CFAP44: variants seen among roughly 807,000 people sequenced by gnomAD.
The protein encoded by CFAP44 is cilia- and flagella-associated protein 44.
A neutral mutation model predicts 216.2 loss-of-function variants in CFAP44; 134 were observed. That is an observed-to-expected ratio of 0.62 (90% CI 0.54 to 0.72). The LOEUF (loss-of-function observed/expected upper bound fraction) is 0.72. Ranked by LOEUF, CFAP44 falls within the 30% of genes least tolerant of loss-of-function variation. The probability of loss-of-function intolerance (pLI) is 0.00; values close to 1 mark genes in which losing one functional copy is unlikely to be tolerated. For synonymous variants in CFAP44, 700 were observed against 727.6 expected (o/e 0.96, Z 0.61); for missense variants, 2,035 against 2,182.1 (o/e 0.93, Z 1.34).
intron 32 of CFAP44, among the ~76,000 whole-genome samples, chr3:113,297,573 TC>T (rs1372263740): frequency 6.6e-6 from 1 of 152,214 alleles, no homozygotes. Context: ...CTACATATTA[TC>T]AGATGTGCTG....
Position 113,287,978 on chromosome 3 carries a change from T to A in CFAP44, c.*3579A>T, listed in dbSNP as rs2107780814. On this transcript the variant is annotated 3_prime_UTR_variant, in exon 35 of 35. Transcript: ENST00000393845. Reference sequence around the variant, plus strand: ...CAAAGGATCAACCATAGATTCTTTTTTAATTGAAATTTTAAAATCTTTATA... The same window carrying A: ...CAAAGGATCAACCATAGATTCTTTTATAATTGAAATTTTAAAATCTTTATA... 1 of 152,350 alleles carries A rather than the reference T, an allele frequency of 6.6e-6. No homozygotes were observed. Among genetic ancestry groups the A allele is most frequent in the African/African-American group, 2.4e-5 (1 of 41,590 alleles). 9.4% of individuals were successfully genotyped at this position (152,350 alleles called of 1,614,324 possible). A position where few individuals can be genotyped will look rare whatever the true frequency, so the allele number is the denominator to read the frequency against.
Position 113,344,515 on chromosome 3 carries a change from C to A in CFAP44, c.3262+1G>T. The A allele has an allele frequency of 6.5e-7, 1 of 1,535,728 alleles. No individual in the cohort carries two copies. The highest frequency in any genetic ancestry group is 8.7e-7 in the Non-Finnish European group (1 of 1,146,348). On this transcript the variant is annotated splice_donor_variant, in intron 23 of 34. Coordinates refer to ENST00000393845, the MANE Select transcript of CFAP44 (RefSeq NM_001164496.2). LOFTEE classifies it high-confidence loss of function. ...TTAAAAGCCTTCTTGTCATAGGCTA[C>A]CTGCATCTCTCTGGCTGTCCTTTCT...
intron 24 of CFAP44, among the ~76,000 whole-genome samples, chr3:113,337,104 A>T (rs189524611): frequency 1.3e-5 from 2 of 150,788 alleles, no homozygotes; most frequent in East Asian, 3.9e-4. Context: ...GACAGTTCAG[A>T]AAGGTCACAG....
intron 1 of CFAP44, among the ~76,000 whole-genome samples, chr3:113,435,858 CGTGTGT>C (rs59468932): frequency 1.0e-3 from 155 of 147,846 alleles, no homozygotes; most frequent in African/African-American, 2.8e-3. Flanking sequence ...AGTGTATGTA[CGTGTGT>C]GTGTGTGTGT....
chr3:113,367,178 G>A (rs570942050), intron 18 of CFAP44, among the ~76,000 whole-genome samples: 3 of 152,316 alleles, frequency 2.0e-5, no homozygotes, highest in African/African-American at 2.4e-5. Context: ...AGACTTAAAC[G>A]TTCTTGTCTG....
At chr3:113,358,700 CAT>C in intron 22 of CFAP44, 43 bp downstream of exon 22, 1 of 1,533,280 alleles carries the variant, frequency 6.5e-7, no homozygotes. Flanking sequence ...GTTATTCACA[CAT>C]GTGCTCTCAA....
In CFAP44 at chr3:113,327,782, C is replaced by G; in HGVS notation, c.4154G>C (p.Arg1385Pro). The G allele has an allele frequency of 6.5e-7, 1 of 1,536,804 alleles. No individual in the cohort carries two copies. Among genetic ancestry groups the G allele is most frequent in the Non-Finnish European group, 8.7e-7 (1 of 1,146,682 alleles). Residue 1385 changes from arginine (R) to proline (P), a missense_variant, in exon 27 of 35, where the codon CGT becomes CCT. Transcript: ENST00000393845. Reference sequence around the variant, plus strand: ...TTTTAGTTTCTGATGTCTAAGGAGACGGAGTTCTGCATCGAAAGTGACAAC... The same window carrying G: ...TTTTAGTTTCTGATGTCTAAGGAGAGGGAGTTCTGCATCGAAAGTGACAAC... ...ELVVTFDAELRLLRHQKLKLD... is the reference protein window; with the variant it reads ...ELVVTFDAELPLLRHQKLKLD...
At chr3:113,386,766 G>C (rs1297530178) in intron 15 of CFAP44, among the ~76,000 whole-genome samples, 2 of 152,142 alleles carry the variant, frequency 1.3e-5, no homozygotes, top group African/African-American at 4.8e-5. Context: ...GACAATACTT[G>C]GTTTTAACTT....
chr3:113,402,151 C>T (rs1260241290), intron 9 of CFAP44, among the ~76,000 whole-genome samples: 1 of 152,302 alleles, frequency 6.6e-6, no homozygotes, highest in Admixed American at 6.5e-5. Flanking sequence ...GGGAAATATA[C>T]CTTCTTGCTT....
chr3:113,352,724 A>G (rs1363724476), intron 22 of CFAP44, among the ~76,000 whole-genome samples: 2 of 152,220 alleles, frequency 1.3e-5, no homozygotes, highest in Non-Finnish European at 2.9e-5. Flanking sequence ...TAAACAGAGA[A>G]TTCTCAGAAG....
Position 113,344,696 on chromosome 3 carries a change from C to T in CFAP44, c.3082G>A (p.Glu1028Lys), listed in dbSNP as rs765691560. The part of the protein sequence containing the change: ...KLKNRFRDPL[E>K]SDTIVVHAIL... ...GCATGAACCACAATAGTATCACTTT[C>T]CAGTGGATCTCGAAATCTGAAAAAA... is the stretch of plus-strand genomic sequence containing the variant. Residue 1028 changes from glutamate to lysine, a missense_variant, in exon 23 of 35, where the codon GAA becomes AAA. Physicochemically the swap from Glu to Lys is moderately conservative, Grantham distance 56. Transcript: ENST00000393845. 30 of 1,496,430 alleles carry T rather than the reference C, an allele frequency of 2.0e-5. No homozygotes were observed. The highest frequency in any genetic ancestry group is 1.7e-4 in the South Asian group (13 of 76,778). The allele number at this position is 1,496,430 out of a possible 1,614,324, so 92.7% of individuals were successfully genotyped here. A position where few individuals can be genotyped will look rare whatever the true frequency, so the allele number is the denominator to read the frequency against.
chr3:113,374,628 G>A (rs1361639778), intron 17 of CFAP44, among the ~76,000 whole-genome samples: 1 of 152,002 alleles, frequency 6.6e-6, no homozygotes, highest in Non-Finnish European at 1.5e-5. Context: ...AACAATCCAA[G>A]TGTCTATTTT....
intron 2 of CFAP44, among the ~76,000 whole-genome samples, chr3:113,433,162 C>G (rs1013445982): frequency 6.6e-6 from 1 of 152,074 alleles, no homozygotes. Context: ...AGCATGGTGG[C>G]TCATGCCTGT....
At chr3:113,414,505 A>T (rs1013015592) in intron 6 of CFAP44, among the ~76,000 whole-genome samples, 40 of 152,198 alleles carry the variant, frequency 2.6e-4, no homozygotes, top group Admixed American at 2.6e-3. Context: ...TTTGTCATAA[A>T]TAGCACTTAT....
intron 1 of CFAP44, among the ~76,000 whole-genome samples, chr3:113,438,117 G>T (rs72946703): frequency 0.012 from 1,867 of 152,274 alleles, 30 homozygotes; most frequent in African/African-American, 0.042. Flanking sequence ...CATAAGAACT[G>T]GTTAGGAATC....
At position 113,345,101 on chromosome 3, in the gene CFAP44, A is replaced by G. The variant is rs1426545983; in HGVS notation, c.3066-389T>C. 2.7e-5 allele frequency among the ~76,000 whole-genome samples: 4 copies of G among 148,410 alleles called. No homozygotes were observed. The South Asian group carries it at 8.4e-4, about 31-fold the overall frequency. On this transcript the variant is annotated intron_variant, in intron 22 of 34. Transcript: ENST00000393845. ...ACTATATATTATATATTATGTATAT[A>G]TATCTATACATATACATATATAATA...
Position 113,327,762 on chromosome 3 carries a change from G to A in CFAP44, c.4174C>T (p.Leu1392=). The change falls in exon 27 of 35, where the codon CTA becomes TTA. Residue 1392 remains leucine, a synonymous_variant. Coordinates refer to ENST00000393845, the MANE Select transcript of CFAP44 (RefSeq NM_001164496.2). Reference sequence around the variant, plus strand: ...AATTTCATCTGAGTATCTAGTTTTAGTTTCTGATGTCTAAGGAGACGGAGT... The same window carrying A: ...AATTTCATCTGAGTATCTAGTTTTAATTTCTGATGTCTAAGGAGACGGAGT... The part of the protein sequence containing the change: ...AELRLLRHQK[L]KLDTQMKLSD... The A allele has an allele frequency of 2.0e-6, 3 of 1,537,002 alleles. No homozygotes were observed. Among genetic ancestry groups the A allele is most frequent in the Non-Finnish European group, 8.7e-7 (1 of 1,146,738 alleles).
Position 113,395,881 on chromosome 3 carries a change from C to G in CFAP44, c.1780-21G>C, listed in dbSNP as rs371972695. On this transcript the variant is annotated intron_variant, in intron 14 of 34. Transcript: ENST00000393845. ...TTACTCTAAGGAAAAAGAGACACACCGACGAAATATATATTACTATGAAAT... is the reference window on the plus strand; with the variant it reads ...TTACTCTAAGGAAAAAGAGACACACGGACGAAATATATATTACTATGAAAT... The G allele has an allele frequency of 1.9e-6, 3 of 1,554,598 alleles. No homozygotes were observed. In the African/African-American group the frequency reaches 4.1e-5, roughly 21 times the overall value.
In CFAP44 at chr3:113,296,804, A is replaced by C; in HGVS notation, c.5159T>G (p.Val1720Gly). 6.5e-7 allele frequency: 1 copy of C among 1,537,680 alleles called. No individual in the cohort carries two copies. The highest frequency in any genetic ancestry group is 8.7e-7 in the Non-Finnish European group (1 of 1,147,010). The change falls in exon 33 of 35, where the codon GTT becomes GGT. Residue 1720 changes from valine (V) to glycine (G), a missense_variant. Val to Gly is a moderately radical substitution (Grantham distance 109). Around this residue, in one of 3 missense-constraint regions of CFAP44, gnomAD observed 1,883 missense variants for 2,023.7 expected, o/e 0.93. Transcript: ENST00000393845. ...CTTCAGTTCTTCAAGTGTTGTATTA[A>C]CAGAAAGCGTTTGAAGGGCTTCTAG... is the stretch of plus-strand genomic sequence containing the variant. ...VNLEALQTLS[V>G]NTTLEELKIR...
Sources: gnomAD v4.1 joint callset for allele counts (sites outside exome capture counted in the v4.1 genomes callset) on GRCh38, gnomAD v4.1.1 for gene constraint, gnomAD v4.1.1 regional missense constraint, MANE v1.5 for transcripts, NCBI Gene and HGNC (gene_info 2026-07-23, HGNC 2026-07-21) for gene names.